PLS1: variants seen among roughly 807,000 people sequenced by gnomAD.
The protein encoded by PLS1 is plastin 1.
Under a neutral mutation model 73.7 loss-of-function variants are expected in PLS1, and 32 were observed. That is an observed-to-expected ratio of 0.43 (90% CI 0.33 to 0.58). The LOEUF is 0.58. Among genes scored for constraint, PLS1 ranks in the 20% least tolerant of loss-of-function variants. The probability of loss-of-function intolerance (pLI) is 0.04; values close to 1 mark genes in which losing one functional copy is unlikely to be tolerated. For synonymous variants in PLS1, 217 were observed against 261.3 expected, an observed-to-expected ratio of 0.83 and a Z score of 1.63; for missense variants, 633 against 740.5, an observed-to-expected ratio of 0.85 and a Z score of 1.68.
chr3:142,618,830 C>T (rs2049326), intron 1 of PLS1, among the ~76,000 whole-genome samples: 97,545 of 151,988 alleles, frequency 0.64, 32,957 homozygotes, highest in African/African-American at 0.87. Flanking sequence ...GCCCAAATAA[C>T]CTAAGACAAT....
At chr3:142,676,370 G>A in intron 5 of PLS1, 81 bp downstream of exon 5, 1 of 1,320,238 alleles carries the variant, frequency 7.6e-7, no homozygotes, top group Non-Finnish European at 1.1e-6. Flanking sequence ...CAATTCAGCT[G>A]TCCATTGTCT....
intron 1 of PLS1, among the ~76,000 whole-genome samples, chr3:142,662,587 A>C (rs1191183559): frequency 6.6e-6 from 1 of 152,196 alleles, no homozygotes; most frequent in Non-Finnish European, 1.5e-5. Flanking sequence ...TAAGAGTTGC[A>C]TTGCTAGATA....
At chr3:142,654,584 C>T (rs904226092) in intron 1 of PLS1, among the ~76,000 whole-genome samples, 3 of 152,154 alleles carry the variant, frequency 2.0e-5, no homozygotes, top group Non-Finnish European at 2.9e-5. Flanking sequence ...GAACTCCTGA[C>T]CTCAAGCAAT....
intron 1 of PLS1, among the ~76,000 whole-genome samples, chr3:142,636,692 A>G (rs2036700491): frequency 6.6e-6 from 1 of 152,238 alleles, no homozygotes; most frequent in Non-Finnish European, 1.5e-5. Flanking sequence ...TAAAGCACCT[A>G]TATCCATAAT....
intron 1 of PLS1, among the ~76,000 whole-genome samples, chr3:142,603,498 G>A (rs1400878495): frequency 6.6e-6 from 1 of 152,146 alleles, no homozygotes. Flanking sequence ...TACGAGACTG[G>A]CTGGGCATGG....
intron 1 of PLS1, among the ~76,000 whole-genome samples, chr3:142,607,553 C>T (rs150544017): frequency 0.011 from 1,632 of 152,300 alleles, 25 homozygotes; most frequent in African/African-American, 0.036. Flanking sequence ...GGATTACAGG[C>T]GTGAGCCACT....
At chr3:142,601,100 T>A (rs1359130791) in intron 1 of PLS1, among the ~76,000 whole-genome samples, 1 of 148,000 alleles carries the variant, frequency 6.8e-6, no homozygotes, top group Non-Finnish European at 1.5e-5. Flanking sequence ...ATTTTTTTTT[T>A]ATTTTTAGTA....
chr3:142,601,122 T>G (rs2035920497), intron 1 of PLS1, among the ~76,000 whole-genome samples: 1 of 149,626 alleles, frequency 6.7e-6, no homozygotes, highest in Admixed American at 6.7e-5. Flanking sequence ...AGACGGGGTT[T>G]CACTGTGTTA....
intron 1 of PLS1, among the ~76,000 whole-genome samples, chr3:142,640,011 T>C (rs532856193): frequency 2.0e-5 from 3 of 152,320 alleles, no homozygotes; most frequent in East Asian, 3.9e-4. Context: ...AGACTGCTCA[T>C]TGGAAAATAT....
chr3:142,613,506 AAAG>A (rs2036160397), intron 1 of PLS1, among the ~76,000 whole-genome samples: 1 of 152,138 alleles, frequency 6.6e-6, no homozygotes, highest in African/African-American at 2.4e-5. Context: ...CAACTTAAAA[AAAG>A]AAAAGAAAAA....
chr3:142,701,922 A>G (rs1398229266), intron 12 of PLS1, among the ~76,000 whole-genome samples: 2 of 152,242 alleles, frequency 1.3e-5, no homozygotes, highest in East Asian at 1.9e-4. Flanking sequence ...GTTATTTTCC[A>G]TAAATTAGGA....
intron 1 of PLS1, among the ~76,000 whole-genome samples, chr3:142,641,309 A>G (rs1276292036): frequency 6.8e-6 from 1 of 146,726 alleles, no homozygotes; most frequent in East Asian, 1.9e-4. Context: ...TAAATAATAT[A>G]TATATTTATG....
chr3:142,664,230 G>C lies in PLS1; in HGVS notation c.-8G>C. 1 of 1,534,238 alleles carries C rather than the reference G, an allele frequency of 6.5e-7. No individual in the cohort carries two copies. Among genetic ancestry groups the C allele is most frequent in the Non-Finnish European group, 8.9e-7 (1 of 1,120,072 alleles). ...TAAAGACCTGAAGATAGTCTTTTCT[G>C]TCCAAAGATGGAAAACAGTACTACT... On this transcript the variant is annotated 5_prime_UTR_variant, in exon 2 of 16. Transcript: ENST00000457734.
chr3:142,663,059 A>C (rs1370503356), intron 1 of PLS1, among the ~76,000 whole-genome samples: 1 of 151,964 alleles, frequency 6.6e-6, no homozygotes, highest in East Asian at 1.9e-4. Flanking sequence ...AAAATACAAA[A>C]ATTAGCTGGG....
intron 1 of PLS1, among the ~76,000 whole-genome samples, chr3:142,636,517 T>C (rs2036695137): frequency 1.3e-5 from 2 of 152,166 alleles, no homozygotes; most frequent in African/African-American, 4.8e-5. Context: ...TTGGGTTTGG[T>C]AAAAATTTCA....
chr3:142,672,122 A>AT (rs928792346), intron 4 of PLS1, among the ~76,000 whole-genome samples: 40 of 152,310 alleles, frequency 2.6e-4, no homozygotes, highest in African/African-American at 9.6e-4. Flanking sequence ...AATCTTAAGT[A>AT]TATGGCTCAA....
At chr3:142,608,417 A>C (rs1484992492) in intron 1 of PLS1, among the ~76,000 whole-genome samples, 1 of 152,242 alleles carries the variant, frequency 6.6e-6, no homozygotes, top group South Asian at 2.1e-4. Context: ...TTAGAATTCC[A>C]TAGTACTATG....
intron 11 of PLS1, among the ~76,000 whole-genome samples, chr3:142,695,799 T>C (rs1218812059): frequency 6.9e-6 from 1 of 144,624 alleles, no homozygotes; most frequent in Non-Finnish European, 1.6e-5. Flanking sequence ...TTTATTTATT[T>C]ATTTATTTAT....
At chr3:142,699,223 G>A (rs2038274933) in intron 12 of PLS1, among the ~76,000 whole-genome samples, 1 of 152,168 alleles carries the variant, frequency 6.6e-6, no homozygotes, top group Non-Finnish European at 1.5e-5. Flanking sequence ...ATTTTGGGAG[G>A]CTAAGGCAGG....
Sources: allele counts gnomAD v4.1 joint callset (sites outside exome capture counted in the v4.1 genomes callset), GRCh38; gene constraint gnomAD v4.1.1; transcripts MANE v1.5; gene names NCBI Gene and HGNC (gene_info 2026-07-23, HGNC 2026-07-21).